Variants in DIS3L observed in about 807,000 individuals in gnomAD.
The protein encoded by DIS3L is DIS3 like exosome 3'-5' exoribonuclease, also known as DIS3-like exonuclease 1.
In DIS3L, 100 loss-of-function variants were observed where a neutral mutation model predicts 120.3. The ratio of observed to expected loss-of-function variants is 0.83; its 90% CI spans 0.71 to 0.98. The LOEUF is 0.98. Ranked by LOEUF, DIS3L falls within the 50% of genes least tolerant of loss-of-function variation. DIS3L has a pLI of 0.00. For synonymous variants in DIS3L, 426 were observed against 470.6 expected (o/e 0.91, Z 1.23); for missense variants, 1,196 against 1,314.2 (o/e 0.91, Z 1.39).
intron 2 of DIS3L, among the ~76,000 whole-genome samples, chr15:66,300,409 T>A (rs918354094): frequency 1.3e-5 from 2 of 152,206 alleles, no homozygotes; most frequent in Non-Finnish European, 2.9e-5. Context: ...GAACAGGCAA[T>A]GACTGCTTAA....
intron 3 of DIS3L, 60 bp downstream of exon 3, chr15:66,307,012 G>A: frequency 1.3e-6 from 2 of 1,599,732 alleles, no homozygotes; most frequent in Non-Finnish European, 1.7e-6. Context: ...CCTCATCATT[G>A]GCTGTTTGGG....
rs1006436351 is a variant in DIS3L, at chr15:66,333,165, A to T, written c.3018A>T (p.Glu1006Asp). The T allele has an allele frequency of 6.2e-7, 1 of 1,613,936 alleles. No individual in the cohort carries two copies. Among genetic ancestry groups the T allele is most frequent in the Admixed American group, 1.7e-5 (1 of 59,996 alleles). ...AAGAAGTAACTAAATCTGTGGAAGA[A>T]GCTCAGCTTGCCCAAGAAGTCAAAG... ...LVKEVTKSVE[E>D]AQLAQEVKVN... Residue 1006 changes from glutamate (E) to aspartate (D), a missense_variant, in exon 17 of 17, where the codon GAA (glutamate) becomes GAT (aspartate). Coordinates refer to ENST00000319212, the MANE Select transcript of DIS3L (RefSeq NM_001143688.3).
intron 11 of DIS3L, among the ~76,000 whole-genome samples, chr15:66,325,371 G>A (rs530945893): frequency 1.1e-4 from 16 of 152,286 alleles, no homozygotes; most frequent in Admixed American, 7.9e-4. Flanking sequence ...TCCCACCTAG[G>A]CAACAGAGCA....
chr15:66,302,135 A>G (rs574949538), intron 2 of DIS3L, among the ~76,000 whole-genome samples: 20 of 152,208 alleles, frequency 1.3e-4, no homozygotes, highest in African/African-American at 4.3e-4. Flanking sequence ...GGCCAAGGCA[A>G]GAAGATAGCT....
chr15:66,304,998 C>CTTTTTTT (rs1283384329), intron 2 of DIS3L, among the ~76,000 whole-genome samples: 1 of 105,070 alleles, frequency 9.5e-6, no homozygotes, highest in Admixed American at 1.1e-4. Context: ...AAATCGATTT[C>CTTTTTTT]TTTTTTTTTT....
chr15:66,296,925 A>T (rs2092593890), intron 2 of DIS3L, among the ~76,000 whole-genome samples: 2 of 152,214 alleles, frequency 1.3e-5, no homozygotes, highest in Non-Finnish European at 2.9e-5. Context: ...CACGAAGGAT[A>T]ATTTAACGTG....
At chr15:66,310,423 A>G (rs371752959) in intron 4 of DIS3L, among the ~76,000 whole-genome samples, 8 of 152,290 alleles carry the variant, frequency 5.3e-5, no homozygotes, top group Admixed American at 2.0e-4. Context: ...TTTATTTTCT[A>G]TAGTGTTTCT....
In DIS3L at chr15:66,330,295, T is replaced by TA. The variant is rs559363812; in HGVS notation, c.2535+908dup. The TA allele has an allele frequency of 8.4e-3, 5,830 of 695,584 alleles. 7 individuals are homozygous for TA. The highest frequency in any genetic ancestry group is 0.05 in the South Asian group (779 of 15,736). The allele number at this position is 695,584 out of a possible 1,614,324, so 43.1% of individuals were successfully genotyped here. On this transcript the variant is annotated intron_variant, in intron 14 of 16. Transcript: ENST00000319212. ...CTGGGTGACAGAGCGAAACTCCGTC[T>TA]AAAAAAAAAAAATCACACCGTGCCT...
intron 2 of DIS3L, among the ~76,000 whole-genome samples, chr15:66,296,859 G>A (rs1176742679): frequency 6.6e-6 from 1 of 152,126 alleles, no homozygotes; most frequent in African/African-American, 2.4e-5. Flanking sequence ...CAAACCTATT[G>A]TCTTGCTGGG....
intron 8 of DIS3L, among the ~76,000 whole-genome samples, chr15:66,319,478 A>C (rs1011657938): frequency 5.9e-5 from 9 of 152,216 alleles, no homozygotes; most frequent in African/African-American, 2.2e-4. Flanking sequence ...TGTAGGGATG[A>C]TGTAGTGGTA....
At chr15:66,323,049 C>G in intron 10 of DIS3L, 115 bp downstream of exon 10, 12 of 1,358,824 alleles carry the variant, frequency 8.8e-6, no homozygotes, top group Non-Finnish European at 1.2e-5. Context: ...AAGGTCCCTT[C>G]CAGAAAAAAA....
At chr15:66,332,042 G>A in intron 15 of DIS3L, 22 bp downstream of exon 15, 2 of 1,581,990 alleles carry the variant, frequency 1.3e-6, no homozygotes, top group East Asian at 2.3e-5. Context: ...CTAATGCAAT[G>A]GTGCATAAGA....
intron 5 of DIS3L, among the ~76,000 whole-genome samples, chr15:66,313,244 T>G (rs2092780539): frequency 6.6e-6 from 1 of 151,884 alleles, no homozygotes; most frequent in African/African-American, 2.4e-5. Flanking sequence ...TCCACCCACC[T>G]CAGCCTCCCA....
intron 4 of DIS3L, 88 bp downstream of exon 4, chr15:66,308,932 G>A (rs1253726511): frequency 6.9e-7 from 1 of 1,447,232 alleles, no homozygotes. Flanking sequence ...ACAGAAAAGA[G>A]AAAAGAGGAA....
rs1595704774 is a variant in DIS3L at position 66,293,733 on chromosome 15, A to C, written c.137A>C (p.His46Pro). The change falls in exon 1 of 17, where the codon CAC becomes CCC. Residue 46 changes from histidine to proline, a missense_variant and splice_region_variant. His to Pro is a moderately conservative substitution (Grantham distance 77). Coordinates refer to ENST00000319212, the MANE Select transcript of DIS3L (RefSeq NM_001143688.3). ...TGCCCGCAGCCCGCCGCCTGCAGCC[A>C]CGGTCAGGGCCGGGGCGGGGGCGGG... ...PLCPQPAACSHDGKLLSSDVT... is the reference protein window; with the variant it reads ...PLCPQPAACSPDGKLLSSDVT... 7.7e-7 allele frequency: 1 copy of C among 1,291,918 alleles called. No homozygotes were observed. Among genetic ancestry groups the C allele is most frequent in the Non-Finnish European group, 9.9e-7 (1 of 1,015,092 alleles). 80.0% of individuals were successfully genotyped at this position (1,291,918 alleles called of 1,614,324 possible).
Position 66,306,887 on chromosome 15 carries a change from T to C in DIS3L, c.357T>C (p.Asn119=). 1 of 1,614,198 alleles carries C rather than the reference T, an allele frequency of 6.2e-7. No individual in the cohort carries two copies. Among genetic ancestry groups the C allele is most frequent in the Non-Finnish European group, 8.5e-7 (1 of 1,180,034 alleles). Residue 119 remains asparagine (N), a synonymous_variant, in exon 3 of 17, where the codon AAT becomes AAC. Transcript: ENST00000319212. ...DARHDCILFA[N]EFQQCCYLPR... Reference sequence around the variant, plus strand: ...GTCATGATTGCATTCTCTTTGCTAATGAATTCCAGCAATGCTGCTATCTGC... The same window carrying C: ...GTCATGATTGCATTCTCTTTGCTAACGAATTCCAGCAATGCTGCTATCTGC...
intron 1 of DIS3L, 146 bp from the exon 2 acceptor site, chr15:66,294,842 C>A: frequency 1.2e-6 from 1 of 832,068 alleles, no homozygotes; most frequent in Non-Finnish European, 1.8e-6. Flanking sequence ...GAACTTTGGG[C>A]CTCTACCAAA....
Position 66,302,322 on chromosome 15 carries a change from G to A in DIS3L, c.294-4502G>A, listed in dbSNP as rs551795831. On this transcript the variant is annotated intron_variant, in intron 2 of 16. Coordinates refer to ENST00000319212, the MANE Select transcript of DIS3L (RefSeq NM_001143688.3). ...TTTGAGGCTGCAGGGAGCCATGATCGCGCTGCTGCTCTGCAGCCTGAGCAA... is the reference window on the plus strand; with the variant it reads ...TTTGAGGCTGCAGGGAGCCATGATCACGCTGCTGCTCTGCAGCCTGAGCAA... Among the ~76,000 whole-genome samples, 5 of 152,154 alleles carry A rather than the reference G, an allele frequency of 3.3e-5. No homozygotes were observed. In the East Asian group the frequency reaches 5.8e-4, roughly 18 times the overall value.
intron 2 of DIS3L, among the ~76,000 whole-genome samples, chr15:66,304,667 G>A (rs900073171): frequency 6.6e-6 from 1 of 151,984 alleles, no homozygotes; most frequent in Non-Finnish European, 1.5e-5. Flanking sequence ...CTGGGAGGCC[G>A]AGGCGGGTGG....
Sources: gnomAD v4.1 joint callset for allele counts (sites outside exome capture counted in the v4.1 genomes callset) on GRCh38, gnomAD v4.1.1 for gene constraint, MANE v1.5 for transcripts, NCBI Gene and HGNC (gene_info 2026-07-23, HGNC 2026-07-21) for gene names.